HAO2: variants seen among roughly 807,000 people sequenced by gnomAD.
The protein encoded by HAO2 is hydroxyacid oxidase 2, also known as 2-Hydroxyacid oxidase 2.
HAO2 carries 42 observed loss-of-function variants against 37.4 expected under a neutral mutation model. That is an observed-to-expected ratio of 1.12 (90% CI 0.88 to 1.45). The LOEUF (loss-of-function observed/expected upper bound fraction) is 1.45, where lower values mean the gene tolerates loss of function less well. HAO2 is among the 40% of genes most tolerant of loss of function. The probability of loss-of-function intolerance (pLI) is 0.00; values close to 1 mark genes in which losing one functional copy is unlikely to be tolerated. For synonymous variants in HAO2, 180 were observed against 162.8 expected (o/e 1.11, Z -0.81); for missense variants, 476 against 430.2 (o/e 1.11, Z -0.94).
intron 1 of HAO2, among the ~76,000 whole-genome samples, chr1:119,377,998 C>A (rs1649615714): frequency 6.6e-6 from 1 of 152,046 alleles, no homozygotes; most frequent in African/African-American, 2.4e-5. Context: ...ACTGGGGAGA[C>A]AGAAGTTACA....
At chr1:119,393,529 A>G (rs1298773587) in intron 7 of HAO2, among the ~76,000 whole-genome samples, 1 of 152,172 alleles carries the variant, frequency 6.6e-6, no homozygotes, top group Non-Finnish European at 1.5e-5. Context: ...TTGATTTAGA[A>G]AATGCTAAAA....
intron 3 of HAO2, among the ~76,000 whole-genome samples, chr1:119,383,827 C>A (rs1368693337): frequency 6.6e-6 from 1 of 152,048 alleles, no homozygotes; most frequent in East Asian, 1.9e-4. Flanking sequence ...GCTATGGATT[C>A]AAGGATTCTA....
chr1:119,386,163 A>C (rs1202695479), intron 4 of HAO2: 1 of 152,386 alleles, frequency 6.6e-6, no homozygotes, highest in Non-Finnish European at 1.5e-5. Flanking sequence ...AGGAGCTAGA[A>C]ACGTTGTTGG....
intron 1 of HAO2, chr1:119,380,824 A>G (rs1649863432): frequency 1.3e-6 from 1 of 794,428 alleles, no homozygotes; most frequent in African/African-American, 1.7e-5. Context: ...GAGAAGATAT[A>G]AGAAATACTC....
At chr1:119,393,203 C>T (rs1047668123) in intron 7 of HAO2, among the ~76,000 whole-genome samples, 1 of 152,116 alleles carries the variant, frequency 6.6e-6, no homozygotes, top group East Asian at 1.9e-4. Context: ...CCTACTCAAG[C>T]CCACAACTCC....
chr1:119,389,773 A>C (rs1022630690), intron 5 of HAO2, among the ~76,000 whole-genome samples: 2 of 151,890 alleles, frequency 1.3e-5, no homozygotes, highest in African/African-American at 4.8e-5. Flanking sequence ...CCTCTGCCAT[A>C]CAAAAGCTCC....
chr1:119,393,201 A>G (rs74114309), intron 7 of HAO2, among the ~76,000 whole-genome samples: 19,063 of 152,096 alleles, frequency 0.13, 1,853 homozygotes, highest in African/African-American at 0.27. Flanking sequence ...TGCCTACTCA[A>G]GCCCACAACT....
At position 119,392,601 on chromosome 1, in the gene HAO2, G is replaced by T. The variant is rs1381260460; in HGVS notation, c.931-17G>T. The T allele has an allele frequency of 1.9e-6, 3 of 1,569,480 alleles. No homozygotes were observed. The highest frequency in any genetic ancestry group is 1.4e-5 in the African/African-American group (1 of 73,998). On this transcript the variant is annotated splice_polypyrimidine_tract_variant and intron_variant, in intron 6 of 7. Coordinates refer to ENST00000325945, the MANE Select transcript of HAO2 (RefSeq NM_016527.4). Reference sequence around the variant, plus strand: ...TTTATGTCTCTTTGTGTCTCTGTCTGTCTGCCTCGGGAGCAGGGTGAACAT... The same window carrying T: ...TTTATGTCTCTTTGTGTCTCTGTCTTTCTGCCTCGGGAGCAGGGTGAACAT...
At chr1:119,386,505 C>G in intron 4 of HAO2, 117 bp from the exon 5 acceptor site, 1 of 688,428 alleles carries the variant, frequency 1.5e-6, no homozygotes, top group East Asian at 2.7e-5. Context: ...CATGCCCAGC[C>G]CTGTTCTTCC....
At chr1:119,391,551 A>G (rs1650903894) in intron 5 of HAO2, among the ~76,000 whole-genome samples, 1 of 152,180 alleles carries the variant, frequency 6.6e-6, no homozygotes, top group African/African-American at 2.4e-5. Context: ...CTTTAGTCCT[A>G]TCTCATTTTC....
In HAO2 at chr1:119,392,014, G is replaced by A. The variant is rs587770760; in HGVS notation, c.772-96G>A. The A allele has an allele frequency of 8.4e-5, 89 of 1,060,074 alleles. 1 individual carries two copies. Among genetic ancestry groups the A allele is most frequent in the Non-Finnish European group, 1.0e-4 (74 of 723,078 alleles). The allele number at this position is 1,060,074 out of a possible 1,614,324, so 65.7% of individuals were successfully genotyped here. On this transcript the variant is annotated intron_variant, in intron 5 of 7. Transcript: ENST00000325945. ...GGGAGGGGAAGAAATTGTCAAGGGCGTCTCCTCAGCTTGGTTTTCCTGGTC... is the reference window on the plus strand; with the variant it reads ...GGGAGGGGAAGAAATTGTCAAGGGCATCTCCTCAGCTTGGTTTTCCTGGTC...
intron 1 of HAO2, chr1:119,380,855 TTTGGGAATGGGA>T (rs1278539463): frequency 1.4e-6 from 1 of 726,266 alleles, no homozygotes; most frequent in Non-Finnish European, 2.4e-6. Flanking sequence ...ATAATCAGGA[TTTGGGAATGGGA>T]ATGGGAATGG....
chr1:119,384,813 A>G lies in HAO2; in HGVS notation c.321A>G (p.Thr107=), dbSNP rs764063656. 1.2e-6 allele frequency: 2 copies of G among 1,613,874 alleles called. No individual in the cohort carries two copies. Among genetic ancestry groups the G allele is most frequent in the Non-Finnish European group, 1.7e-6 (2 of 1,179,866 alleles). Residue 107 remains threonine (T), a synonymous_variant, in exon 4 of 8, where the codon ACA becomes ACG. Transcript: ENST00000325945. ...CTGGTATCTGCTACATCACCAGCACATTTGCCAGCTGTAGCCTTGAAGACA... is the reference window on the plus strand; with the variant it reads ...CTGGTATCTGCTACATCACCAGCACGTTTGCCAGCTGTAGCCTTGAAGACA... ...QAAGICYITS[T]FASCSLEDIV...
chr1:119,392,085 C>A, intron 5 of HAO2, 25 bp from the exon 6 acceptor site: 1 of 1,594,930 alleles, frequency 6.3e-7, no homozygotes. Flanking sequence ...GAAAGCCCTC[C>A]AGCCCATGTG....
chr1:119,391,299 C>A (rs929915171), intron 5 of HAO2, among the ~76,000 whole-genome samples: 5 of 152,254 alleles, frequency 3.3e-5, no homozygotes, highest in Admixed American at 3.3e-4. Flanking sequence ...AGAACTCCCT[C>A]CCCAAGGATC....
intron 5 of HAO2, among the ~76,000 whole-genome samples, chr1:119,391,017 A>G (rs190272681): frequency 6.6e-6 from 1 of 152,310 alleles, no homozygotes; most frequent in Non-Finnish European, 1.5e-5. Context: ...TGCTGGGACT[A>G]TAAAAAATGC....
chr1:119,386,716 T>A lies in HAO2; in HGVS notation c.656T>A (p.Ile219Asn). The change falls in exon 5 of 8, where the codon ATC becomes AAC. Residue 219 changes from isoleucine to asparagine, a missense_variant. Ile to Asn is a moderately radical substitution (Grantham distance 149). Coordinates refer to ENST00000325945, the MANE Select transcript of HAO2 (RefSeq NM_016527.4). ...TTTCAGAGCATAACTCGATTGCCCATCATCCTGAAAGGGATTTTGACAAAA... is the reference window on the plus strand; with the variant it reads ...TTTCAGAGCATAACTCGATTGCCCAACATCCTGAAAGGGATTTTGACAAAA... ...SWFQSITRLP[I>N]ILKGILTKED... The A allele has an allele frequency of 1.9e-6, 3 of 1,613,104 alleles. No homozygotes were observed. Among genetic ancestry groups the A allele is most frequent in the Non-Finnish European group, 2.5e-6 (3 of 1,179,072 alleles).
intron 1 of HAO2, among the ~76,000 whole-genome samples, chr1:119,375,970 C>G (rs1649421047): frequency 6.6e-6 from 1 of 152,142 alleles, no homozygotes; most frequent in Non-Finnish European, 1.5e-5. Flanking sequence ...CACAGCCAAA[C>G]CATATCACTC....
intron 1 of HAO2, 87 bp downstream of exon 1, chr1:119,368,989 G>A (rs1228724446): frequency 6.6e-6 from 1 of 152,230 alleles, no homozygotes; most frequent in Non-Finnish European, 1.5e-5. Context: ...TATCGTGGAA[G>A]CCAACTATGA....
Sources: allele counts gnomAD v4.1 joint callset (sites outside exome capture counted in the v4.1 genomes callset), GRCh38; gene constraint gnomAD v4.1.1; transcripts MANE v1.5; gene names NCBI Gene and HGNC (gene_info 2026-07-23, HGNC 2026-07-21).